The following PCDHGA11 variants were observed in gnomAD, a reference collection of about 807,000 sequenced individuals.
PCDHGA11 encodes protocadherin gamma-A11.
Under a neutral mutation model 60.4 loss-of-function variants are expected in PCDHGA11, and 39 were observed. The ratio of observed to expected loss-of-function variants is 0.65; its 90% CI spans 0.50 to 0.84. The LOEUF (loss-of-function observed/expected upper bound fraction) is 0.84. PCDHGA11 is among the 40% of genes least tolerant of loss of function. The probability of loss-of-function intolerance (pLI) is 0.00; values close to 1 mark genes in which losing one functional copy is unlikely to be tolerated. For missense variants in PCDHGA11, 1,165 were observed against 1,197.7 expected, an observed-to-expected ratio of 0.97 and a Z score of 0.40; for synonymous variants, 533 against 510.3, an observed-to-expected ratio of 1.04 and a Z score of -0.60.
chr5:141,439,790 C>G (rs2098131627), intron 1 of PCDHGA11: 2 of 152,248 alleles, frequency 1.3e-5, no homozygotes, highest in Non-Finnish European at 2.9e-5. Flanking sequence ...TTCTATAATC[C>G]AAGAAGAGTT....
At chr5:141,500,840 C>T (rs1394248251) in intron 2 of PCDHGA11, among the ~76,000 whole-genome samples, 1 of 151,966 alleles carries the variant, frequency 6.6e-6, no homozygotes, top group Non-Finnish European at 1.5e-5. Flanking sequence ...TGCTAATGGG[C>T]TTTTGCTACA....
chr5:141,470,794 C>T (rs1332287628), intron 1 of PCDHGA11, among the ~76,000 whole-genome samples: 1 of 152,162 alleles, frequency 6.6e-6, no homozygotes, highest in African/African-American at 2.4e-5. Flanking sequence ...CTCAAGCAAT[C>T]CTCCCACTTC....
rs189767695 is a variant in PCDHGA11, at chr5:141,497,247, T to C, written c.2492+2382T>C. Among the ~76,000 whole-genome samples the C allele has an allele frequency of 2.0e-5, 3 of 151,456 alleles. No individual in the cohort carries two copies. The East Asian group carries it at 5.8e-4, about 29-fold the overall frequency. ...ATCAGAGAAGGCTTCTAGGAGGAGGTGACATTGAGAAGTTCTAGGCCATTT... is the reference window on the plus strand; with the variant it reads ...ATCAGAGAAGGCTTCTAGGAGGAGGCGACATTGAGAAGTTCTAGGCCATTT... On this transcript the variant is annotated intron_variant, in intron 2 of 3. Transcript: ENST00000398587.
At chr5:141,500,026 T>G (rs1297397353) in intron 2 of PCDHGA11, among the ~76,000 whole-genome samples, 1 of 151,974 alleles carries the variant, frequency 6.6e-6, no homozygotes, top group Non-Finnish European at 1.5e-5. Flanking sequence ...TATATTTGAG[T>G]GAGTGTCTCT....
intron 3 of PCDHGA11, among the ~76,000 whole-genome samples, chr5:141,509,345 G>A (rs1203328830): frequency 6.6e-6 from 1 of 152,196 alleles, no homozygotes; most frequent in Non-Finnish European, 1.5e-5. Flanking sequence ...GGCCTGGGCT[G>A]GCCTGGGCAT....
rs575250872 is a variant in PCDHGA11, at chr5:141,490,163, T to C, written c.2434-4644T>C. ...GGGGCAATCCATGTGTTGGGTCCCA[T>C]AGACTTTGAGGAGTCACGTTTCTAT... On this transcript the variant is annotated intron_variant, in intron 1 of 3. Transcript: ENST00000398587. This position sits in a 1 kb window ranked among gnomAD's most constrained non-coding sequence, Gnocchi z 5.4. 2 of 1,614,234 alleles carry C rather than the reference T, an allele frequency of 1.2e-6. No homozygotes were observed. The highest frequency in any genetic ancestry group is 2.2e-5 in the East Asian group (1 of 44,886).
At chr5:141,436,752 A>G (rs2097844842) in intron 1 of PCDHGA11, among the ~76,000 whole-genome samples, 2 of 152,194 alleles carry the variant, frequency 1.3e-5, no homozygotes, top group South Asian at 4.1e-4. Context: ...GCTTCTCCAT[A>G]TGGTATAATG....
At chr5:141,463,692 C>A (rs1482988660) in intron 1 of PCDHGA11, among the ~76,000 whole-genome samples, 2 of 151,934 alleles carry the variant, frequency 1.3e-5, no homozygotes, top group Non-Finnish European at 2.9e-5. Flanking sequence ...GTGATCTGCT[C>A]ACCTCGGCCT....
intron 3 of PCDHGA11, among the ~76,000 whole-genome samples, chr5:141,507,790 A>C (rs922507228): frequency 5.9e-5 from 9 of 152,188 alleles, no homozygotes; most frequent in Admixed American, 2.6e-4. Context: ...ACCCTCGTCT[A>C]AGCCTGCGCC....
rs2096740494 is a variant in PCDHGA11, at chr5:141,423,435, G to A, written c.2208G>A (p.Met736Ile). 6.2e-7 allele frequency: 1 copy of A among 1,613,892 alleles called. No homozygotes were observed. The highest frequency in any genetic ancestry group is 1.7e-5 in the Admixed American group (1 of 60,012). ...CTTCTGAAGGCGGGTTGGCAGGTAT[G>A]CCCACGTCACATTTTGTAGGCGTGG... ...LQASEGGLAG[M>I]PTSHFVGVDG... Residue 736 changes from methionine (M) to isoleucine (I), a missense_variant, in exon 1 of 4, where the codon ATG (methionine) becomes ATA (isoleucine). Met to Ile is a conservative substitution (Grantham distance 10). Coordinates refer to ENST00000398587, the MANE Select transcript of PCDHGA11 (RefSeq NM_018914.3).
In PCDHGA11 at chr5:141,490,453, T is replaced by C; in HGVS notation, c.2434-4354T>C. 6.2e-7 allele frequency: 1 copy of C among 1,614,178 alleles called. No homozygotes were observed. Among genetic ancestry groups the C allele is most frequent in the Non-Finnish European group, 8.5e-7 (1 of 1,180,042 alleles). ...GATTAAGCCTTCTGAGAACCACTAC[T>C]CGCTGCTAACCAGCCAGCCTTTGGA... On this transcript the variant is annotated intron_variant, in intron 1 of 3. Coordinates refer to ENST00000398587, the MANE Select transcript of PCDHGA11 (RefSeq NM_018914.3). This position sits in a 1 kb window ranked among gnomAD's most constrained non-coding sequence, Gnocchi z 5.4.
At chr5:141,498,971 G>GGGAGGGAAGGAAGGAA (rs2099787588) in intron 2 of PCDHGA11, among the ~76,000 whole-genome samples, 1 of 110,970 alleles carries the variant, frequency 9.0e-6, no homozygotes, top group African/African-American at 3.6e-5. Flanking sequence ...GAGGGAGGGA[G>GGGAGGGAAGGAAGGAA]GGAAGGAAGG....
At chr5:141,481,533 T>TG (rs1246139713) in intron 1 of PCDHGA11, among the ~76,000 whole-genome samples, 2 of 152,200 alleles carry the variant, frequency 1.3e-5, no homozygotes, top group Admixed American at 6.5e-5. Context: ...AATCTAGAGA[T>TG]GGGGCTGGGC....
chr5:141,497,062 A>C (rs779414748), intron 2 of PCDHGA11, among the ~76,000 whole-genome samples: 6 of 152,024 alleles, frequency 3.9e-5, no homozygotes, highest in Non-Finnish European at 7.4e-5. Flanking sequence ...GGTGGCAGGC[A>C]CCTGTAATCC....
At chr5:141,430,878 A>G in intron 1 of PCDHGA11, 1 of 1,600,748 alleles carries the variant, frequency 6.2e-7, no homozygotes, top group Admixed American at 1.8e-5. Context: ...GAAGAGCTGG[A>G]GAAAGGCTCT....
At chr5:141,483,700 T>C (rs1003495517) in intron 1 of PCDHGA11, among the ~76,000 whole-genome samples, 4 of 152,090 alleles carry the variant, frequency 2.6e-5, no homozygotes, top group Admixed American at 2.6e-4. Context: ...ATTCCTCTTT[T>C]TGACACCAGA....
At position 141,431,321 on chromosome 5, in the gene PCDHGA11, G is replaced by T. The variant is rs112186927; in HGVS notation, c.2433+7661G>T. 1,258 of 1,614,054 alleles carry T rather than the reference G, an allele frequency of 7.8e-4. 11 individuals are homozygous for T. In the African/African-American group the frequency reaches 0.014, roughly 18 times the overall value. Reference sequence around the variant, plus strand: ...CCTCATCGTGCAAAATGGAGCCGACGGTAGTAAGTACCCCGAATTGGTGCT... The same window carrying T: ...CCTCATCGTGCAAAATGGAGCCGACTGTAGTAAGTACCCCGAATTGGTGCT... On this transcript the variant is annotated intron_variant, in intron 1 of 3. Transcript: ENST00000398587. This position sits in a 1 kb window ranked among gnomAD's most constrained non-coding sequence, Gnocchi z 4.8.
intron 2 of PCDHGA11, among the ~76,000 whole-genome samples, chr5:141,495,994 T>C (rs2099765151): frequency 6.6e-6 from 1 of 152,146 alleles, no homozygotes; most frequent in Non-Finnish European, 1.5e-5. Flanking sequence ...ATCTCTCTTT[T>C]TCTTTTATCT....
At chr5:141,435,103 G>A (rs1468698388) in intron 1 of PCDHGA11, among the ~76,000 whole-genome samples, 2 of 151,914 alleles carry the variant, frequency 1.3e-5, no homozygotes, top group African/African-American at 2.4e-5. Flanking sequence ...TTTATCTAGG[G>A]GGGAGAAATC....
Sources: gnomAD v4.1 joint callset for allele counts (sites outside exome capture counted in the v4.1 genomes callset) on GRCh38, gnomAD v4.1.1 for gene constraint, Gnocchi (gnomAD v3.1) non-coding constraint, MANE v1.5 for transcripts, NCBI Gene and HGNC (gene_info 2026-07-23, HGNC 2026-07-21) for gene names.